Variants in RASD2 observed in about 807,000 individuals in gnomAD.
The protein encoded by RASD2 is GTP-binding protein Rhes.
In RASD2, 7 loss-of-function variants were observed where a neutral mutation model predicts 15.8. That is an observed-to-expected ratio of 0.44 (90% CI 0.25 to 0.83). RASD2 has a LOEUF of 0.83. Ranked by LOEUF, RASD2 falls within the 40% of genes least tolerant of loss-of-function variation. The pLI is 0.20. For missense variants in RASD2, 274 were observed against 382.8 expected (o/e 0.72, Z 2.37); for synonymous variants, 155 against 153.6 (o/e 1.01, Z -0.07).
chr22:35,533,619 A>G, the RASD2 span, among the ~76,000 whole-genome samples: 1 of 6,026 alleles, frequency 1.7e-4, no homozygotes, highest in Non-Finnish European at 3.7e-4. Flanking sequence ...GATGATGGTG[A>G]TGATGGGAAT....
At chr22:35,550,440 CAA>C (rs397838574) in intron 2 of RASD2, among the ~76,000 whole-genome samples, 11,656 of 63,602 alleles carry the variant, frequency 0.18, 284 homozygotes, top group South Asian at 0.22. Context: ...GACTCCATCT[CAA>C]AAAAAAAAAA....
chr22:35,546,086 A>G (rs1030541811), intron 1 of RASD2, among the ~76,000 whole-genome samples: 4 of 152,126 alleles, frequency 2.6e-5, no homozygotes, highest in Non-Finnish European at 4.4e-5. Flanking sequence ...GGAGGCAAGT[A>G]AACACCTAGG....
rs543380154 is a variant in RASD2, at chr22:35,542,750, G to A, written c.-10+1250G>A. On this transcript the variant is annotated intron_variant, in intron 1 of 2. Coordinates refer to ENST00000216127, the MANE Select transcript of RASD2 (RefSeq NM_014310.4). Reference sequence around the variant, plus strand: ...CGTCCAGACTCTTGTCCTGCTGCCTGTGCCCGTGTGACCCCTTCATCTTTC... The same window carrying A: ...CGTCCAGACTCTTGTCCTGCTGCCTATGCCCGTGTGACCCCTTCATCTTTC... 3.4e-4 allele frequency among the ~76,000 whole-genome samples: 52 copies of A among 152,326 alleles called. No homozygotes were observed. In the South Asian group the frequency reaches 0.011, roughly 31 times the overall value.
rs570759014 is a variant in RASD2, at chr22:35,551,825, C to G, written c.594C>G (p.Pro198=). 4.3e-6 allele frequency: 7 copies of G among 1,614,110 alleles called. No homozygotes were observed. The South Asian group carries it at 7.7e-5, about 18-fold the overall frequency. ...SMAKLPHEMS[P]ALHRKISVQY... ...CCAAGCTGCCACACGAGATGAGCCC[C>G]GCCCTGCATCGCAAGATCTCCGTGC... Residue 198 remains proline, a synonymous_variant, in exon 3 of 3, where the codon CCC becomes CCG. Coordinates refer to ENST00000216127, the MANE Select transcript of RASD2 (RefSeq NM_014310.4). The surrounding 1 kb of genome is among the most constrained non-coding windows in gnomAD (Gnocchi z 4.9).
At position 35,552,597 on chromosome 22, in the gene RASD2, T is replaced by G. The variant is rs972133033; in HGVS notation, c.*565T>G. 6.5e-6 allele frequency: 1 copy of G among 153,852 alleles called. No homozygotes were observed. Among genetic ancestry groups the G allele is most frequent in the East Asian group, 1.9e-4 (1 of 5,178 alleles). The allele number at this position is 153,852 out of a possible 1,614,324, so 9.5% of individuals were successfully genotyped here. On this transcript the variant is annotated 3_prime_UTR_variant, in exon 3 of 3. Coordinates refer to ENST00000216127, the MANE Select transcript of RASD2 (RefSeq NM_014310.4). Reference sequence around the variant, plus strand: ...TGCGCCTGACATTGAGCCAGTGGACTCTGTGTCTGAAGGGGGCGTGGCCAC... The same window carrying G: ...TGCGCCTGACATTGAGCCAGTGGACGCTGTGTCTGAAGGGGGCGTGGCCAC...
At chr22:35,544,825 A>G (rs965941345) in intron 1 of RASD2, among the ~76,000 whole-genome samples, 2 of 152,232 alleles carry the variant, frequency 1.3e-5, no homozygotes, top group Admixed American at 1.3e-4. Flanking sequence ...TGTAAATTGG[A>G]GAATAACACC....
upstream of RASD2, among the ~76,000 whole-genome samples, chr22:35,540,492 G>C (rs1192650891): frequency 6.6e-6 from 1 of 150,410 alleles, no homozygotes; most frequent in South Asian, 2.1e-4. Context: ...GCTCTGGGGG[G>C]CAGACGCTGG....
chr22:35,536,546 C>G (rs116698330), upstream of RASD2, among the ~76,000 whole-genome samples: 1 of 152,120 alleles, frequency 6.6e-6, no homozygotes, highest in African/African-American at 2.4e-5. Flanking sequence ...AGGGTGGTCT[C>G]GATCTCATGA....
the RASD2 span, among the ~76,000 whole-genome samples, chr22:35,535,680 G>A: frequency 6.6e-6 from 1 of 152,166 alleles, no homozygotes; most frequent in Non-Finnish European, 1.5e-5. Context: ...TCAGGCACAG[G>A]CTCCAGCATG....
At chr22:35,549,510 G>A (rs550285803) in intron 2 of RASD2, among the ~76,000 whole-genome samples, 141 of 152,304 alleles carry the variant, frequency 9.3e-4, no homozygotes, top group African/African-American at 2.0e-3. Flanking sequence ...TCAAGGCCAC[G>A]AGTCCTCAGG....
chr22:35,545,256 T>A (rs1934466826), intron 1 of RASD2, among the ~76,000 whole-genome samples: 1 of 152,134 alleles, frequency 6.6e-6, no homozygotes, highest in Non-Finnish European at 1.5e-5. Flanking sequence ...TCTCTCCACC[T>A]CCAGTGGCCA....
Position 35,547,003 on chromosome 22 carries a change from A to G in RASD2, c.194A>G (p.Asp65Gly). 1.2e-6 allele frequency: 2 copies of G among 1,614,078 alleles called. No individual in the cohort carries two copies. Among genetic ancestry groups the G allele is most frequent in the Non-Finnish European group, 1.7e-6 (2 of 1,180,026 alleles). Reference sequence around the variant, plus strand: ...CGTAAGGTATACAACATCCGCGGCGACATGTACCAGCTCGACATCCTGGAT... The same window carrying G: ...CGTAAGGTATACAACATCCGCGGCGGCATGTACCAGCTCGACATCCTGGAT... ...FHRKVYNIRG[D>G]MYQLDILDTS... The change falls in exon 2 of 3, where the codon GAC (aspartate) becomes GGC (glycine). Residue 65 changes from aspartate (D) to glycine (G), a missense_variant. Physicochemically the swap from Asp to Gly is moderately conservative, Grantham distance 94 (BLOSUM62 -1). Coordinates refer to ENST00000216127, the MANE Select transcript of RASD2 (RefSeq NM_014310.4).
chr22:35,538,169 G>A (rs1023515216), upstream of RASD2, among the ~76,000 whole-genome samples: 3 of 151,972 alleles, frequency 2.0e-5, no homozygotes, highest in Non-Finnish European at 2.9e-5. Flanking sequence ...GTAGGGTTTT[G>A]CTATGTTGGC....
upstream of RASD2, among the ~76,000 whole-genome samples, chr22:35,537,469 G>A (rs1306546296): frequency 6.6e-6 from 1 of 152,246 alleles, no homozygotes; most frequent in African/African-American, 2.4e-5. Flanking sequence ...ACCGGCTACG[G>A]AGGAAGTAAT....
At chr22:35,548,921 C>T (rs1044894359) in intron 2 of RASD2, among the ~76,000 whole-genome samples, 6 of 152,136 alleles carry the variant, frequency 3.9e-5, no homozygotes, top group Non-Finnish European at 5.9e-5. Flanking sequence ...GCTTCCAGCA[C>T]GTGACGGGTA....
At chr22:35,537,697 G>A (rs1047612328), upstream of RASD2, among the ~76,000 whole-genome samples, 17 of 152,208 alleles carry the variant, frequency 1.1e-4, no homozygotes, top group African/African-American at 3.9e-4. Flanking sequence ...AGTAAGTTTT[G>A]TGGGGAGAAG....
chr22:35,546,262 G>A (rs903036879), intron 1 of RASD2, among the ~76,000 whole-genome samples: 2 of 152,120 alleles, frequency 1.3e-5, no homozygotes, highest in African/African-American at 2.4e-5. Context: ...TCCCAGGAGG[G>A]CTGAATGGCC....
intron 1 of RASD2, among the ~76,000 whole-genome samples, chr22:35,542,035 A>G (rs1024419151): frequency 8.5e-5 from 13 of 152,110 alleles, no homozygotes; most frequent in African/African-American, 2.9e-4. Context: ...GGTTTCCTGT[A>G]ACTTAGCTGT....
intron 1 of RASD2, among the ~76,000 whole-genome samples, chr22:35,544,642 T>A (rs1934448077): frequency 6.6e-6 from 1 of 152,154 alleles, no homozygotes. Flanking sequence ...GTGGGGGATG[T>A]GGGGGTCTTA....
Sources: allele counts gnomAD v4.1 joint callset (sites outside exome capture counted in the v4.1 genomes callset), GRCh38; gene constraint gnomAD v4.1.1; non-coding constraint Gnocchi (gnomAD v3.1); transcripts MANE v1.5; gene names NCBI Gene and HGNC (gene_info 2026-07-23, HGNC 2026-07-21).